The following CACNA1E variants were observed in gnomAD, a reference collection of about 807,000 sequenced individuals.
The protein encoded by CACNA1E is calcium voltage-gated channel subunit alpha1 E.
Under a neutral mutation model 259.2 loss-of-function variants are expected in CACNA1E, and 40 were observed. The ratio of observed to expected loss-of-function variants is 0.15; its 90% confidence interval spans 0.12 to 0.20. CACNA1E has a LOEUF of 0.20. Ranked by LOEUF, CACNA1E falls within the 10% of genes least tolerant of loss-of-function variation. The pLI, the probability that CACNA1E is intolerant of heterozygous loss-of-function variation, is 1.00. For synonymous variants in CACNA1E, 1,104 were observed against 1,138.5 expected, an observed-to-expected ratio of 0.97 and a Z score of 0.61; for missense variants, 1,874 against 3,040.1, an observed-to-expected ratio of 0.62 and a Z score of 9.02.
In CACNA1E at chr1:181,324,403, T is replaced by C. The variant is rs530525173; in HGVS notation, c.-15+6280T>C. Among the ~76,000 whole-genome samples the C allele has an allele frequency of 3.3e-5, 5 of 152,244 alleles. No individual in the cohort carries two copies. In the South Asian group the frequency reaches 1.0e-3, roughly 32 times the overall value. On this transcript the variant is annotated intron_variant, in intron 1 of 11. Coordinates refer to the CACNA1E transcript ENST00000524607. Reference sequence around the variant, plus strand: ...GAAGATCAGAATGATAAAAATGAAATAGGATCTATATCACAGATTCTCTAT... The same window carrying C: ...GAAGATCAGAATGATAAAAATGAAACAGGATCTATATCACAGATTCTCTAT...
chr1:181,656,212 C>T (rs11800148), intron 7 of CACNA1E, among the ~76,000 whole-genome samples: 1,695 of 152,244 alleles, frequency 0.011, 12 homozygotes, highest in Non-Finnish European at 0.017. Flanking sequence ...GAGGCAGGTT[C>T]CTCAGGAGGT....
chr1:181,628,524 G>A (rs1306828820), intron 6 of CACNA1E, among the ~76,000 whole-genome samples: 2 of 152,162 alleles, frequency 1.3e-5, no homozygotes, highest in Admixed American at 1.3e-4. Flanking sequence ...TTTAGGTGGG[G>A]TGTTGATGTC....
At chr1:181,598,412 A>G (rs1299506584) in intron 6 of CACNA1E, among the ~76,000 whole-genome samples, 2 of 152,080 alleles carry the variant, frequency 1.3e-5, no homozygotes, top group African/African-American at 4.8e-5. Flanking sequence ...TCATAGAGAA[A>G]CCTTGTAGAC....
At chr1:181,335,838 C>T (rs1651667738) in intron 1 of CACNA1E, among the ~76,000 whole-genome samples, 1 of 152,124 alleles carries the variant, frequency 6.6e-6, no homozygotes, top group Admixed American at 6.5e-5. Flanking sequence ...AGGCTGACAC[C>T]CTGGAGCCTT....
chr1:181,752,101 T>C (rs768137687), intron 26 of CACNA1E, 42 bp from the exon 27 acceptor site: 7 of 1,290,324 alleles, frequency 5.4e-6, no homozygotes, highest in Non-Finnish European at 6.8e-6. Context: ...TTTTTATTTC[T>C]CCCCCATTCC....
intron 6 of CACNA1E, among the ~76,000 whole-genome samples, chr1:181,611,227 C>T (rs1281108362): frequency 6.6e-6 from 1 of 152,212 alleles, no homozygotes; most frequent in Non-Finnish European, 1.5e-5. Context: ...CATCAACACA[C>T]TTCTACCTCT....
chr1:181,800,818 T>G lies in CACNA1E; in HGVS notation c.*1984T>G, dbSNP rs920181351. 1.6e-4 allele frequency: 24 copies of G among 152,672 alleles called. No homozygotes were observed. The highest frequency in any genetic ancestry group is 5.2e-4 in the Admixed American group (8 of 15,280). 9.5% of individuals were successfully genotyped at this position (152,672 alleles called of 1,614,324 possible). A position where few individuals can be genotyped will look rare whatever the true frequency, so the allele number is the denominator to read the frequency against. ...GAGAATCATTTGTCATGGCCCCGCCTTCTCTTCTGATACTAATGGAGCTTC... is the reference window on the plus strand; with the variant it reads ...GAGAATCATTTGTCATGGCCCCGCCGTCTCTTCTGATACTAATGGAGCTTC... On this transcript the variant is annotated 3_prime_UTR_variant, in exon 48 of 48. Coordinates refer to ENST00000367573, the MANE Select transcript of CACNA1E (RefSeq NM_001205293.3).
chr1:181,350,414 C>A (rs1470675700), intron 1 of CACNA1E, among the ~76,000 whole-genome samples: 2 of 152,056 alleles, frequency 1.3e-5, no homozygotes, highest in South Asian at 2.1e-4. Context: ...CTTTAAGCAC[C>A]CCTCCTCTTT....
rs369680949 is a variant in CACNA1E, at chr1:181,537,824, G to A, written c.512+26314G>A. 2.0e-5 allele frequency among the ~76,000 whole-genome samples: 3 copies of A among 152,292 alleles called. No individual in the cohort carries two copies. In the East Asian group the frequency reaches 5.8e-4, roughly 29 times the overall value. On this transcript the variant is annotated intron_variant, in intron 3 of 47. Coordinates refer to ENST00000367573, the MANE Select transcript of CACNA1E (RefSeq NM_001205293.3). ...CTATTACTATTGCCATTTTATAGAT[G>A]AAGAAACAGAGGTACAGTGAGATTA...
chr1:181,426,396 CCATCTCAGCCA>C (rs1659201848), intron 2 of CACNA1E, among the ~76,000 whole-genome samples: 2 of 124,236 alleles, frequency 1.6e-5, no homozygotes, highest in Admixed American at 8.0e-5. Flanking sequence ...CAACCGCTTC[CCATCTCAGCCA>C]CTTCACAACT....
intron 46 of CACNA1E, among the ~76,000 whole-genome samples, chr1:181,795,536 G>C (rs1661716259): frequency 6.6e-6 from 1 of 151,644 alleles, no homozygotes; most frequent in African/African-American, 2.4e-5. Context: ...TGCCTCCCGG[G>C]TTCACACCAT....
chr1:181,515,667 C>T (rs1000744954), intron 3 of CACNA1E, among the ~76,000 whole-genome samples: 1 of 152,154 alleles, frequency 6.6e-6, no homozygotes, highest in African/African-American at 2.4e-5. Context: ...GTCACTATTA[C>T]ACATTAGTCA....
chr1:181,414,073 G>T (rs904137038), intron 2 of CACNA1E, among the ~76,000 whole-genome samples: 2 of 152,218 alleles, frequency 1.3e-5, no homozygotes, highest in African/African-American at 4.8e-5. Flanking sequence ...GCCACTCCTG[G>T]CTTTATTTCT....
At chr1:181,323,553 T>A (rs1650536203) in intron 1 of CACNA1E, among the ~76,000 whole-genome samples, 1 of 152,216 alleles carries the variant, frequency 6.6e-6, no homozygotes, top group South Asian at 2.1e-4. Flanking sequence ...ATTATCTTTC[T>A]CCCTCTCTTA....
At chr1:181,721,400 C>T (rs1193752650) in intron 15 of CACNA1E, among the ~76,000 whole-genome samples, 1 of 152,102 alleles carries the variant, frequency 6.6e-6, no homozygotes, top group Non-Finnish European at 1.5e-5. Flanking sequence ...TGCTGCTGTT[C>T]CAGACCCTGT....
chr1:181,394,662 G>A (rs1043014966), intron 1 of CACNA1E, among the ~76,000 whole-genome samples: 17 of 152,340 alleles, frequency 1.1e-4, no homozygotes, highest in African/African-American at 3.8e-4. Flanking sequence ...GTGGGGCAGT[G>A]TGCAGGATTC....
At chr1:181,761,960 CTATT>C (rs1260291968) in intron 32 of CACNA1E, among the ~76,000 whole-genome samples, 4 of 152,302 alleles carry the variant, frequency 2.6e-5, no homozygotes, top group South Asian at 2.1e-4. Flanking sequence ...AAGATGAAGT[CTATT>C]TATCCTATTA....
chr1:181,403,925 G>A (rs966515140), intron 1 of CACNA1E, among the ~76,000 whole-genome samples: 3 of 152,158 alleles, frequency 2.0e-5, no homozygotes, highest in African/African-American at 4.8e-5. Context: ...TGGTGGCAGC[G>A]GTTTCACAGT....
chr1:181,389,164 G>A (rs1220292), intron 1 of CACNA1E, among the ~76,000 whole-genome samples: 2 of 37,542 alleles, frequency 5.3e-5, no homozygotes, highest in Non-Finnish European at 9.4e-5. Context: ...CTTACGTAAC[G>A]TGTATTTTCT....
Sources: gnomAD v4.1 joint callset for allele counts (sites outside exome capture counted in the v4.1 genomes callset) on GRCh38, gnomAD v4.1.1 for gene constraint, MANE v1.5 for transcripts, NCBI Gene and HGNC (gene_info 2026-07-23, HGNC 2026-07-21) for gene names.